Variants in ASPH observed in about 807,000 individuals in gnomAD.
ASPH encodes the protein aspartate beta-hydroxylase, also known as aspartyl/asparaginyl beta-hydroxylase.
ASPH carries 100 observed loss-of-function variants against 118.4 expected under a neutral mutation model. The observed-to-expected ratio is 0.84, with a 90% CI of 0.72 to 1.00. The LOEUF (loss-of-function observed/expected upper bound fraction) is 1.00. Ranked by LOEUF, ASPH falls within the 50% of genes least tolerant of loss-of-function variation. ASPH has a pLI of 0.00. For missense variants in ASPH, 920 were observed against 919.5 expected (o/e 1.00, Z -0.01); for synonymous variants, 315 against 325.6 (o/e 0.97, Z 0.35).
intron 24 of ASPH, among the ~76,000 whole-genome samples, chr8:61,504,951 C>A (rs1805861315): frequency 6.6e-6 from 1 of 152,048 alleles, no homozygotes; most frequent in African/African-American, 2.4e-5. Context: ...CCTCCCACCT[C>A]CACCCAGTGT....
intron 16 of ASPH, among the ~76,000 whole-genome samples, chr8:61,570,538 C>G (rs963817426): frequency 6.6e-6 from 1 of 152,110 alleles, no homozygotes; most frequent in Non-Finnish European, 1.5e-5. Context: ...TATGCCTTGT[C>G]CCCTCTCTGG....
intron 10 of ASPH, among the ~76,000 whole-genome samples, chr8:61,641,716 A>C (rs1805208643): frequency 6.6e-6 from 1 of 152,146 alleles, no homozygotes; most frequent in Non-Finnish European, 1.5e-5. Context: ...ATTGTGATTC[A>C]CTATCTATCA....
chr8:61,686,251 T>C (rs1024104654), intron 1 of ASPH, among the ~76,000 whole-genome samples: 1 of 152,216 alleles, frequency 6.6e-6, no homozygotes, highest in Non-Finnish European at 1.5e-5. Flanking sequence ...TTGCTGGGCA[T>C]AGATCCTATT....
intron 1 of ASPH, among the ~76,000 whole-genome samples, chr8:61,702,700 G>A (rs1188663836): frequency 6.6e-6 from 1 of 152,184 alleles, no homozygotes; most frequent in Non-Finnish European, 1.5e-5. Flanking sequence ...GAAAGAAAAT[G>A]TCGGGTCAGT....
chr8:61,597,212 A>AG (rs1455275956), intron 14 of ASPH, among the ~76,000 whole-genome samples: 1 of 151,028 alleles, frequency 6.6e-6, no homozygotes, highest in Non-Finnish European at 1.5e-5. Context: ...AAAAAAAAAA[A>AG]AAACAATGAA....
At chr8:61,694,202 T>C (rs1473220163) in intron 1 of ASPH, among the ~76,000 whole-genome samples, 1 of 152,140 alleles carries the variant, frequency 6.6e-6, no homozygotes, top group Non-Finnish European at 1.5e-5. Context: ...CACACAAACC[T>C]GCCCTAGCCT....
At chr8:61,580,883 A>C (rs1031997627) in intron 15 of ASPH, among the ~76,000 whole-genome samples, 35 of 152,230 alleles carry the variant, frequency 2.3e-4, no homozygotes, top group African/African-American at 8.0e-4. Flanking sequence ...CTTTTCCCAA[A>C]TAACATAACA....
intron 14 of ASPH, among the ~76,000 whole-genome samples, chr8:61,598,323 G>A (rs1842999611): frequency 6.6e-6 from 1 of 151,910 alleles, no homozygotes; most frequent in South Asian, 2.1e-4. Flanking sequence ...AGATATGCAG[G>A]CAAATACAAA....
intron 21 of ASPH, among the ~76,000 whole-genome samples, chr8:61,529,650 C>T (rs879790789): frequency 5.3e-5 from 8 of 152,170 alleles, no homozygotes; most frequent in Admixed American, 3.3e-4. Context: ...TTACACTCGG[C>T]ATGTGTATGT....
chr8:61,611,866 CAATTT>C (rs1216523259), intron 14 of ASPH, among the ~76,000 whole-genome samples: 1 of 152,152 alleles, frequency 6.6e-6, no homozygotes, highest in Non-Finnish European at 1.5e-5. Flanking sequence ...TCAGATTTTT[CAATTT>C]GAGTCCAGCC....
intron 1 of ASPH, among the ~76,000 whole-genome samples, chr8:61,688,408 G>A (rs1332318400): frequency 1.3e-5 from 2 of 152,114 alleles, no homozygotes; most frequent in Non-Finnish European, 2.9e-5. Flanking sequence ...ACTATGGCAA[G>A]CAACAGTCCA....
chr8:61,666,442 T>A (rs1397048402), intron 3 of ASPH, among the ~76,000 whole-genome samples: 1 of 152,212 alleles, frequency 6.6e-6, no homozygotes, highest in East Asian at 1.9e-4. Context: ...TAAGGTAAGG[T>A]GTTTGCAATG....
chr8:61,635,256 C>T (rs2150823345), intron 12 of ASPH, among the ~76,000 whole-genome samples: 1 of 152,310 alleles, frequency 6.6e-6, no homozygotes, highest in South Asian at 2.1e-4. Context: ...CCTCCTCACA[C>T]AATGGCTGTT....
intron 24 of ASPH, among the ~76,000 whole-genome samples, chr8:61,508,779 T>A (rs1259629203): frequency 6.6e-6 from 1 of 152,198 alleles, no homozygotes; most frequent in Admixed American, 6.5e-5. Flanking sequence ...TGTCTGTAGA[T>A]GACATGCTGA....
intron 9 of ASPH, 118 bp from the exon 10 acceptor site, chr8:61,643,038 T>A (rs1806021297): frequency 1.1e-6 from 1 of 904,012 alleles, no homozygotes; most frequent in Non-Finnish European, 1.6e-6. Flanking sequence ...CCTTCAAATA[T>A]TAATGTCTGC....
At chr8:61,586,574 G>C (rs972325460) in intron 14 of ASPH, among the ~76,000 whole-genome samples, 1 of 152,076 alleles carries the variant, frequency 6.6e-6, no homozygotes, top group African/African-American at 2.4e-5. Flanking sequence ...TGCGCCAGTC[G>C]CCCGGCCACA....
chr8:61,644,491 G>T, intron 7 of ASPH, 109 bp downstream of exon 7: 1 of 700,334 alleles, frequency 1.4e-6, no homozygotes, highest in Non-Finnish European at 2.1e-6. Context: ...TGCATATCTT[G>T]CATATATTAA....
intron 22 of ASPH, among the ~76,000 whole-genome samples, chr8:61,518,515 G>T (rs1811722357): frequency 6.6e-6 from 1 of 152,058 alleles, no homozygotes; most frequent in Admixed American, 6.6e-5. Flanking sequence ...GCCTACTGTT[G>T]ACTGGAAGCC....
chr8:61,534,801 C>T (rs183856815), intron 21 of ASPH, among the ~76,000 whole-genome samples: 14 of 152,342 alleles, frequency 9.2e-5, no homozygotes, highest in Admixed American at 5.9e-4. Flanking sequence ...ACGGGATTTA[C>T]GAAGGAAAGT....
Sources: gnomAD v4.1 joint callset for allele counts (sites outside exome capture counted in the v4.1 genomes callset) on GRCh38, gnomAD v4.1.1 for gene constraint, MANE v1.5 for transcripts, NCBI Gene and HGNC (gene_info 2026-07-23, HGNC 2026-07-21) for gene names.